Variants in ZNF438 observed in about 807,000 individuals in gnomAD.
The protein encoded by ZNF438 is zinc finger protein 438.
ZNF438 carries 25 observed loss-of-function variants against 38.0 expected under a neutral mutation model. The observed-to-expected ratio is 0.66, with a 90% CI of 0.48 to 0.92. The LOEUF is 0.92. ZNF438 is among the 40% of genes least tolerant of loss of function. The pLI, the probability that ZNF438 is intolerant of heterozygous loss-of-function variation, is 0.00. For synonymous variants in ZNF438, 372 were observed against 364.1 expected (o/e 1.02, Z -0.25); for missense variants, 1,007 against 999.6 (o/e 1.01, Z -0.10).
At chr10:30,936,078 G>A (rs1186066736) in intron 2 of ZNF438, among the ~76,000 whole-genome samples, 1 of 152,170 alleles carries the variant, frequency 6.6e-6, no homozygotes, top group South Asian at 2.1e-4. Context: ...TAAAAGCCAT[G>A]AAGATTTCTA....
chr10:30,982,815 TATC>T lies in ZNF438; in HGVS notation c.-191-41167_-191-41165del, dbSNP rs1259935214. ...AATATTTATAGAAATTTAAAATAGT[TATC>T]ATGCTAGAGTCCATTTTAGAAACTG... On this transcript the variant is annotated intron_variant, in intron 1 of 5. Coordinates refer to ENST00000413025, the Ensembl canonical transcript of ZNF438. Among the ~76,000 whole-genome samples, 5 of 152,334 alleles carry T rather than the reference TATC, an allele frequency of 3.3e-5. No homozygotes were observed. The East Asian group carries it at 5.8e-4, about 18-fold the overall frequency.
intron 2 of ZNF438, among the ~76,000 whole-genome samples, chr10:30,932,223 T>TA (rs540750797): frequency 2.7e-4 from 41 of 151,246 alleles, no homozygotes; most frequent in Admixed American, 4.0e-4. Context: ...TTGTATGCAT[T>TA]AAAAAAAAAC....
intron 1 of ZNF438, among the ~76,000 whole-genome samples, chr10:30,994,746 T>C (rs996795326): frequency 5.3e-5 from 8 of 152,114 alleles, no homozygotes; most frequent in Admixed American, 1.3e-4. Flanking sequence ...AAAGAAATAA[T>C]GAGGCTAGGC....
intron 4 of ZNF438, among the ~76,000 whole-genome samples, chr10:30,852,087 C>G (rs1182552019): frequency 6.6e-6 from 1 of 151,788 alleles, no homozygotes; most frequent in Non-Finnish European, 1.5e-5. Flanking sequence ...CACTTGAACC[C>G]TGGAGGCAGA....
chr10:30,883,273 G>C (rs994442134), intron 3 of ZNF438, among the ~76,000 whole-genome samples: 3 of 152,140 alleles, frequency 2.0e-5, no homozygotes, highest in African/African-American at 7.2e-5. Context: ...CTGTATTATA[G>C]TTGGTACAAA....
At chr10:30,901,324 C>T (rs1357652271) in intron 3 of ZNF438, among the ~76,000 whole-genome samples, 1 of 152,182 alleles carries the variant, frequency 6.6e-6, no homozygotes, top group Non-Finnish European at 1.5e-5. Context: ...GGCTTTGTGT[C>T]CGGAATTGGT....
At chr10:30,846,241 G>A (rs2032043711) in intron 5 of ZNF438, among the ~76,000 whole-genome samples, 1 of 152,194 alleles carries the variant, frequency 6.6e-6, no homozygotes. Context: ...GGGAAGAGGA[G>A]AAGATTTCAT....
chr10:30,970,141 C>T (rs949729380), intron 1 of ZNF438, among the ~76,000 whole-genome samples: 2 of 142,546 alleles, frequency 1.4e-5, no homozygotes, highest in Non-Finnish European at 3.1e-5. Context: ...CACACACACA[C>T]ACATATACAC....
At chr10:30,890,031 A>G (rs2040475244) in intron 3 of ZNF438, among the ~76,000 whole-genome samples, 1 of 151,866 alleles carries the variant, frequency 6.6e-6, no homozygotes, top group South Asian at 2.1e-4. Flanking sequence ...ACATGTTAAT[A>G]AAGTTCTCCA....
intron 1 of ZNF438, among the ~76,000 whole-genome samples, chr10:30,964,599 T>G (rs1311305368): frequency 6.6e-6 from 1 of 152,182 alleles, no homozygotes; most frequent in Non-Finnish European, 1.5e-5. Context: ...AATATAAGTG[T>G]TCAGGAAATG....
intron 4 of ZNF438, among the ~76,000 whole-genome samples, chr10:30,859,318 T>C (rs2035199195): frequency 6.6e-6 from 1 of 152,160 alleles, no homozygotes; most frequent in African/African-American, 2.4e-5. Flanking sequence ...ACTTAAGCAA[T>C]CCACCTGCCT....
At chr10:30,897,633 C>T (rs1010549937) in intron 3 of ZNF438, among the ~76,000 whole-genome samples, 6 of 152,230 alleles carry the variant, frequency 3.9e-5, no homozygotes, top group African/African-American at 1.4e-4. Context: ...AGATTACAAT[C>T]ATCAGATGAA....
At chr10:31,009,585 C>T (rs957760010) in intron 1 of ZNF438, among the ~76,000 whole-genome samples, 1 of 152,304 alleles carries the variant, frequency 6.6e-6, no homozygotes, top group East Asian at 1.9e-4. Context: ...TGATCCAATC[C>T]TTGCCCTCAT....
intron 3 of ZNF438, among the ~76,000 whole-genome samples, chr10:30,905,343 C>T (rs765470292): frequency 3.9e-5 from 6 of 152,190 alleles, no homozygotes; most frequent in Non-Finnish European, 8.8e-5. Flanking sequence ...TTCATTGTGG[C>T]TATTCCCTAA....
At chr10:31,020,237 G>C (rs1234272323) in intron 1 of ZNF438, among the ~76,000 whole-genome samples, 1 of 152,148 alleles carries the variant, frequency 6.6e-6, no homozygotes, top group Admixed American at 6.5e-5. Flanking sequence ...AATCAAAAGG[G>C]TGAGATTGTA....
chr10:30,894,898 C>T (rs571008176), intron 3 of ZNF438, among the ~76,000 whole-genome samples: 2 of 152,238 alleles, frequency 1.3e-5, no homozygotes, highest in East Asian at 3.9e-4. Flanking sequence ...TGCTAGTCAA[C>T]TTCAATAGTT....
chr10:30,883,439 G>A (rs1430829114), intron 3 of ZNF438, among the ~76,000 whole-genome samples: 2 of 152,112 alleles, frequency 1.3e-5, no homozygotes, highest in African/African-American at 2.4e-5. Flanking sequence ...TTAAAGAAAT[G>A]TTAAGGGTGC....
chr10:30,849,264 T>C (rs1367928255), exon 5 of ZNF438: 1 of 1,614,230 alleles, frequency 6.2e-7, no homozygotes, highest in African/African-American at 1.3e-5. Context: ...CCTTTTCTCT[T>C]TGCTGCTCCA....
intron 4 of ZNF438, among the ~76,000 whole-genome samples, chr10:30,870,864 T>C (rs6481723): frequency 0.59 from 89,096 of 151,918 alleles, 26,389 homozygotes; most frequent in African/African-American, 0.62. Context: ...TGTTACAGGA[T>C]GAGAATTACT....
Sources: gnomAD v4.1 joint callset for allele counts (sites outside exome capture counted in the v4.1 genomes callset) on GRCh38, gnomAD v4.1.1 for gene constraint, MANE v1.5 for transcripts, NCBI Gene and HGNC (gene_info 2026-07-23, HGNC 2026-07-21) for gene names.